Variants in TMC1 observed in about 807,000 individuals in gnomAD.
TMC1 encodes transmembrane channel-like protein 1.
In TMC1, 84 loss-of-function variants were observed where a neutral mutation model predicts 105.8. The observed-to-expected ratio is 0.79, with a 90% CI of 0.67 to 0.95. TMC1 has a LOEUF of 0.95. Ranked by LOEUF, TMC1 falls within the 40% of genes least tolerant of loss-of-function variation. The pLI is 0.00. For synonymous variants in TMC1, 315 were observed against 311.5 expected, an observed-to-expected ratio of 1.01 and a Z score of -0.12; for missense variants, 817 against 914.1, an observed-to-expected ratio of 0.89 and a Z score of 1.37.
At chr9:72,677,329 G>T (rs1265908109) in intron 5 of TMC1, among the ~76,000 whole-genome samples, 1 of 152,098 alleles carries the variant, frequency 6.6e-6, no homozygotes, top group Admixed American at 6.6e-5. Flanking sequence ...GTCTTGCTCA[G>T]CCTTTGGTTC....
chr9:72,540,798 TGAC>T (rs1277470618), intron 1 of TMC1, among the ~76,000 whole-genome samples: 2 of 152,182 alleles, frequency 1.3e-5, no homozygotes, highest in Non-Finnish European at 2.9e-5. Context: ...AAACTCAGCA[TGAC>T]AACATGCTGG....
At chr9:72,833,437 C>G (rs900644449) in intron 23 of TMC1, among the ~76,000 whole-genome samples, 1 of 152,162 alleles carries the variant, frequency 6.6e-6, no homozygotes, top group African/African-American at 2.4e-5. Context: ...ATCTTCTGCA[C>G]TTCTCCAATT....
chr9:72,672,891 T>A (rs376125370), intron 5 of TMC1, among the ~76,000 whole-genome samples: 1 of 101,878 alleles, frequency 9.8e-6, no homozygotes, highest in African/African-American at 4.0e-5. Flanking sequence ...CACACACACA[T>A]CAGCTAAAAG....
At chr9:72,570,017 C>T (rs186925958) in intron 1 of TMC1, among the ~76,000 whole-genome samples, 1 of 152,008 alleles carries the variant, frequency 6.6e-6, no homozygotes, top group Admixed American at 6.6e-5. Flanking sequence ...TTGATGGCAA[C>T]ATTCATCTTG....
chr9:72,793,805 T>G (rs1383569300), intron 17 of TMC1, among the ~76,000 whole-genome samples: 1 of 152,084 alleles, frequency 6.6e-6, no homozygotes, highest in African/African-American at 2.4e-5. Flanking sequence ...TGGGTGCCCA[T>G]CCCCATATCG....
intron 8 of TMC1, among the ~76,000 whole-genome samples, chr9:72,725,502 G>A (rs1827107050): frequency 6.6e-6 from 1 of 151,464 alleles, no homozygotes; most frequent in Non-Finnish European, 1.5e-5. Context: ...CAAAACTGAA[G>A]AACTTGGAGT....
intron 1 of TMC1, among the ~76,000 whole-genome samples, chr9:72,527,709 T>C (rs1823428984): frequency 6.6e-6 from 1 of 152,158 alleles, no homozygotes; most frequent in African/African-American, 2.4e-5. Context: ...CCCTGGTTTA[T>C]TGTAGGAGAG....
At chr9:72,693,617 G>A (rs1259824619) in intron 6 of TMC1, among the ~76,000 whole-genome samples, 2 of 152,020 alleles carry the variant, frequency 1.3e-5, no homozygotes, top group Non-Finnish European at 2.9e-5. Context: ...TTTCTCTGGG[G>A]TAGCCTCTAT....
At chr9:72,653,713 C>T (rs552230354) in intron 5 of TMC1, among the ~76,000 whole-genome samples, 9 of 152,146 alleles carry the variant, frequency 5.9e-5, no homozygotes, top group South Asian at 2.1e-4. Flanking sequence ...TAAAGATTTC[C>T]GCCGCCTCAA....
intron 17 of TMC1, among the ~76,000 whole-genome samples, chr9:72,794,136 A>G (rs1828324376): frequency 6.6e-6 from 1 of 151,828 alleles, no homozygotes. Context: ...CACAACATAG[A>G]ACATCCATCC....
chr9:72,665,957 C>G (rs1210598621), intron 5 of TMC1, among the ~76,000 whole-genome samples: 1 of 152,148 alleles, frequency 6.6e-6, no homozygotes, highest in East Asian at 1.9e-4. Context: ...GCTCACAGTT[C>G]CCTCCACAGT....
chr9:72,738,646 G>C (rs1296445981), intron 8 of TMC1, among the ~76,000 whole-genome samples: 2 of 152,052 alleles, frequency 1.3e-5, no homozygotes, highest in East Asian at 3.9e-4. Flanking sequence ...TCGAACTCCT[G>C]ACCTCAAGTG....
At chr9:72,816,240 T>TA (rs768754010) in intron 19 of TMC1, 30 bp downstream of exon 19, 1 of 1,602,186 alleles carries the variant, frequency 6.2e-7, no homozygotes, top group Non-Finnish European at 8.6e-7. Flanking sequence ...GCTTATCACT[T>TA]ACAGAAAAGC....
intron 18 of TMC1, among the ~76,000 whole-genome samples, chr9:72,811,771 A>G (rs1828709487): frequency 6.6e-6 from 1 of 152,158 alleles, no homozygotes; most frequent in Non-Finnish European, 1.5e-5. Flanking sequence ...GATGCTCAGG[A>G]TTATCCATAA....
chr9:72,630,921 TGCAGTGGAAC>T (rs1215207500), intron 4 of TMC1, among the ~76,000 whole-genome samples: 3 of 151,296 alleles, frequency 2.0e-5, no homozygotes, highest in Non-Finnish European at 4.4e-5. Context: ...CAGGCTGGAG[TGCAGTGGAAC>T]GATCTTGGCT....
In TMC1 at chr9:72,704,744, C is replaced by T. The variant is rs1826705758; in HGVS notation, c.362+4101C>T. ...TTTCACACATTCCTGTAGCCTTAAA[C>T]CTACTGAATGATAATCTCTTGGTGG... On this transcript the variant is annotated intron_variant, in intron 8 of 23. Transcript: ENST00000297784. Among the ~76,000 whole-genome samples, 3 of 152,138 alleles carry T rather than the reference C, an allele frequency of 2.0e-5. No homozygotes were observed. In the South Asian group the frequency reaches 6.3e-4, roughly 32 times the overall value.
intron 1 of TMC1, among the ~76,000 whole-genome samples, chr9:72,529,728 G>A (rs1436802173): frequency 6.6e-6 from 1 of 151,424 alleles, no homozygotes; most frequent in Admixed American, 6.6e-5. Context: ...AAGTGACACA[G>A]CAAAACACTT....
At chr9:72,688,886 A>C in intron 6 of TMC1, 130 bp downstream of exon 6, 3 of 804,892 alleles carry the variant, frequency 3.7e-6, no homozygotes, top group Non-Finnish European at 6.3e-6. Flanking sequence ...TCATGGTCTC[A>C]CAGGAGGAAT....
At chr9:72,798,417 T>C (rs1312867708) in intron 17 of TMC1, among the ~76,000 whole-genome samples, 3 of 152,124 alleles carry the variant, frequency 2.0e-5, no homozygotes, top group Non-Finnish European at 4.4e-5. Context: ...TGAATGTTCA[T>C]TGCAGCACTA....
Sources: allele counts gnomAD v4.1 joint callset (sites outside exome capture counted in the v4.1 genomes callset), GRCh38; gene constraint gnomAD v4.1.1; transcripts MANE v1.5; gene names NCBI Gene and HGNC (gene_info 2026-07-23, HGNC 2026-07-21).